Variants in CADM1 observed in about 807,000 individuals in gnomAD.
CADM1 encodes the protein TSLC-1.
In CADM1, 15 loss-of-function variants were observed where a neutral mutation model predicts 53.1. The observed-to-expected ratio is 0.28, with a 90% CI of 0.19 to 0.44. CADM1 has a LOEUF of 0.44. CADM1 is among the 20% of genes least tolerant of loss of function. CADM1 has a pLI of 1.00. For missense variants in CADM1, 434 were observed against 611.3 expected, an observed-to-expected ratio of 0.71 and a Z score of 3.06; for synonymous variants, 281 against 243.0, an observed-to-expected ratio of 1.16 and a Z score of -1.45.
At chr11:115,410,635 G>T (rs1947437960) in intron 1 of CADM1, among the ~76,000 whole-genome samples, 1 of 152,120 alleles carries the variant, frequency 6.6e-6, no homozygotes, top group Admixed American at 6.6e-5. Context: ...GCAGAAAGGT[G>T]CTCTTCGATG....
chr11:115,350,458 C>A (rs1945700127), intron 1 of CADM1, among the ~76,000 whole-genome samples: 2 of 151,112 alleles, frequency 1.3e-5, no homozygotes. Context: ...CTGTAGAAAT[C>A]CTAAAAGTGC....
At chr11:115,416,971 T>C in intron 1 of CADM1, among the ~76,000 whole-genome samples, 1 of 152,162 alleles carries the variant, frequency 6.6e-6, no homozygotes, top group East Asian at 1.9e-4. Context: ...TTCAGTAAGT[T>C]GAGGGGCTTT....
chr11:115,313,778 TCTCCTTC>T (rs1259582600), intron 1 of CADM1, among the ~76,000 whole-genome samples: 1 of 152,072 alleles, frequency 6.6e-6, no homozygotes. Context: ...TCCTGTACTT[TCTCCTTC>T]CTCCTTCTGG....
intron 1 of CADM1, among the ~76,000 whole-genome samples, chr11:115,414,811 T>C (rs1947552853): frequency 1.6e-5 from 2 of 124,194 alleles, no homozygotes; most frequent in African/African-American, 6.2e-5. Context: ...GATGCAATTA[T>C]AGTTTAAATG....
chr11:115,367,100 G>A (rs561597078), intron 1 of CADM1, among the ~76,000 whole-genome samples: 3 of 152,332 alleles, frequency 2.0e-5, no homozygotes, highest in African/African-American at 4.8e-5. Context: ...CAGTGGTTCC[G>A]CTACTCCAGA....
intron 1 of CADM1, among the ~76,000 whole-genome samples, chr11:115,293,469 C>G (rs1943964868): frequency 6.6e-6 from 1 of 152,112 alleles, no homozygotes; most frequent in Non-Finnish European, 1.5e-5. Context: ...AACTATTCTG[C>G]CCTCCAGAGA....
At chr11:115,233,136 T>TG (rs2134868822) in intron 3 of CADM1, among the ~76,000 whole-genome samples, 1 of 152,166 alleles carries the variant, frequency 6.6e-6, no homozygotes, top group Admixed American at 6.5e-5. Context: ...AGATAGTGTT[T>TG]GGTGGTGGTG....
At chr11:115,295,345 G>A (rs1944022202) in intron 1 of CADM1, among the ~76,000 whole-genome samples, 1 of 150,954 alleles carries the variant, frequency 6.6e-6, no homozygotes, top group Non-Finnish European at 1.5e-5. Flanking sequence ...CACTTGCCCT[G>A]CCTTTGTACA....
At chr11:115,499,349 T>A (rs1203502297) in intron 1 of CADM1, among the ~76,000 whole-genome samples, 14 of 152,196 alleles carry the variant, frequency 9.2e-5, no homozygotes, top group Admixed American at 9.2e-4. Flanking sequence ...CAAATCCAGA[T>A]TTCTCCCCTA....
intron 1 of CADM1, among the ~76,000 whole-genome samples, chr11:115,422,495 C>T (rs762376612): frequency 4.6e-5 from 7 of 152,180 alleles, no homozygotes; most frequent in Non-Finnish European, 8.8e-5. Flanking sequence ...CCTGATGCAG[C>T]GGTGAGCTGT....
intron 1 of CADM1, among the ~76,000 whole-genome samples, chr11:115,253,606 C>G (rs1476497320): frequency 1.3e-5 from 2 of 152,154 alleles, no homozygotes; most frequent in Admixed American, 1.3e-4. Context: ...GGAAGCAAAT[C>G]AATATGTAAT....
intron 1 of CADM1, among the ~76,000 whole-genome samples, chr11:115,246,438 T>C (rs1434565073): frequency 6.6e-6 from 1 of 152,216 alleles, no homozygotes; most frequent in East Asian, 1.9e-4. Flanking sequence ...CAAGAATATG[T>C]GACATTGACC....
intron 1 of CADM1, among the ~76,000 whole-genome samples, chr11:115,479,337 A>C (rs1330561740): frequency 6.6e-6 from 1 of 152,110 alleles, no homozygotes; most frequent in Non-Finnish European, 1.5e-5. Flanking sequence ...AAAATGATTC[A>C]AATACTTTTA....
chr11:115,402,545 A>G (rs1375513628), intron 1 of CADM1, among the ~76,000 whole-genome samples: 2 of 152,130 alleles, frequency 1.3e-5, no homozygotes, highest in African/African-American at 4.8e-5. Context: ...AAACAAAACA[A>G]AACAAAAAAG....
At chr11:115,238,834 G>T (rs1332774295) in intron 2 of CADM1, among the ~76,000 whole-genome samples, 182 bp from the exon 3 acceptor site, 1 of 152,042 alleles carries the variant, frequency 6.6e-6, no homozygotes, top group East Asian at 1.9e-4. Flanking sequence ...CAGTGTATGT[G>T]TGAGTGTGTG....
At chr11:115,483,356 A>G (rs1949298534) in intron 1 of CADM1, among the ~76,000 whole-genome samples, 1 of 152,204 alleles carries the variant, frequency 6.6e-6, no homozygotes, top group African/African-American at 2.4e-5. Flanking sequence ...TCACACACAC[A>G]CAAAAATAAC....
chr11:115,399,448 G>C (rs111288494), intron 1 of CADM1: 34 of 152,186 alleles, frequency 2.2e-4, no homozygotes, highest in African/African-American at 7.9e-4. Flanking sequence ...TCAGAGAAGA[G>C]GAATGAAACC....
At chr11:115,281,252 G>A (rs186607078) in intron 1 of CADM1, among the ~76,000 whole-genome samples, 3 of 152,306 alleles carry the variant, frequency 2.0e-5, no homozygotes, top group Non-Finnish European at 2.9e-5. Context: ...CTTATCCAGA[G>A]CGTAGGAGGC....
chr11:115,249,043 T>C (rs1373217842), intron 1 of CADM1, among the ~76,000 whole-genome samples: 1 of 152,198 alleles, frequency 6.6e-6, no homozygotes, highest in Non-Finnish European at 1.5e-5. Flanking sequence ...AAGCAAGCAG[T>C]TTCTTCTCAA....
Sources: allele counts gnomAD v4.1 joint callset (sites outside exome capture counted in the v4.1 genomes callset), GRCh38; gene constraint gnomAD v4.1.1; transcripts MANE v1.5; gene names NCBI Gene and HGNC (gene_info 2026-07-23, HGNC 2026-07-21).